The following DGKG variants were observed in gnomAD, a reference collection of about 807,000 sequenced individuals.
The protein encoded by DGKG is diacylglycerol kinase gamma.
A neutral mutation model predicts 105.3 loss-of-function variants in DGKG; 78 were observed. That is an observed-to-expected ratio of 0.74 (90% confidence interval 0.62 to 0.89). The LOEUF (loss-of-function observed/expected upper bound fraction) is 0.89, where lower values mean the gene tolerates loss of function less well. Ranked by LOEUF, DGKG falls within the 40% of genes least tolerant of loss-of-function variation. The probability of loss-of-function intolerance (pLI) is 0.00; values close to 1 mark genes in which losing one functional copy is unlikely to be tolerated. For synonymous variants in DGKG, 346 were observed against 367.1 expected, an observed-to-expected ratio of 0.94 and a Z score of 0.66; for missense variants, 958 against 1,020.1, an observed-to-expected ratio of 0.94 and a Z score of 0.83.
At chr3:186,189,669 G>A (rs1305512115) in intron 21 of DGKG, among the ~76,000 whole-genome samples, 1 of 152,220 alleles carries the variant, frequency 6.6e-6, no homozygotes, top group Non-Finnish European at 1.5e-5. Context: ...AGGACTAGAA[G>A]ACTTGTTGCC....
intron 1 of DGKG, among the ~76,000 whole-genome samples, chr3:186,350,405 GTAT>G (rs1726570927): frequency 6.6e-6 from 1 of 152,172 alleles, no homozygotes; most frequent in Non-Finnish European, 1.5e-5. Flanking sequence ...GCATGTTGCA[GTAT>G]GTGTCAGAAT....
At chr3:186,155,417 C>T (rs564282142) in intron 24 of DGKG, among the ~76,000 whole-genome samples, 1 of 152,294 alleles carries the variant, frequency 6.6e-6, no homozygotes, top group African/African-American at 2.4e-5. Flanking sequence ...TGGTCTTGAA[C>T]TCCTGACCTC....
chr3:186,295,638 TAA>T (rs34829528), intron 5 of DGKG, among the ~76,000 whole-genome samples: 3 of 84,522 alleles, frequency 3.5e-5, no homozygotes, highest in Admixed American at 1.4e-4. Flanking sequence ...TAATGCACAG[TAA>T]AAAAAAAAAA....
At chr3:186,198,060 G>T (rs1718272309) in intron 21 of DGKG, among the ~76,000 whole-genome samples, 2 of 152,208 alleles carry the variant, frequency 1.3e-5, no homozygotes, top group Admixed American at 1.3e-4. Flanking sequence ...GTTCTTCACA[G>T]TTCCTGGCAT....
At position 186,251,763 on chromosome 3, in the gene DGKG, C is replaced by G. The variant is rs751199499; in HGVS notation, c.1757G>C (p.Gly586Ala). 8 of 1,614,138 alleles carry G rather than the reference C, an allele frequency of 5.0e-6. No homozygotes were observed. Among genetic ancestry groups the G allele is most frequent in the Non-Finnish European group, 6.8e-6 (8 of 1,179,980 alleles). The change falls in exon 19 of 25, where the codon GGT becomes GCT. Residue 586 changes from glycine (G) to alanine (A), a missense_variant. Gly to Ala is a moderately conservative substitution (Grantham distance 60). This residue lies in a region of DGKG where 315 missense variants were observed against 400.6 expected (regional missense o/e 0.79). Coordinates refer to ENST00000265022, the MANE Select transcript of DGKG (RefSeq NM_001346.3). ...YSIMNNYFSI[G>A]VDASIAHRFH... is the part of the protein sequence containing the mutation. Reference sequence around the variant, plus strand: ...GGTGATCTTTGACCAACTCACCACACCAATGGAGAAATAGTTGTTCATGAT... The same window carrying G: ...GGTGATCTTTGACCAACTCACCACAGCAATGGAGAAATAGTTGTTCATGAT...
intron 20 of DGKG, among the ~76,000 whole-genome samples, chr3:186,241,891 T>C (rs1720703709): frequency 6.6e-6 from 1 of 152,188 alleles, no homozygotes; most frequent in Non-Finnish European, 1.5e-5. Flanking sequence ...GGTTTCCTCT[T>C]TCCTTTCATT....
At chr3:186,157,051 T>A (rs1716069098) in intron 24 of DGKG, among the ~76,000 whole-genome samples, 1 of 152,000 alleles carries the variant, frequency 6.6e-6, no homozygotes. Flanking sequence ...AAATTTCCAA[T>A]GTTAAAAATA....
chr3:186,289,827 A>G (rs1723236475), intron 5 of DGKG, among the ~76,000 whole-genome samples: 1 of 152,190 alleles, frequency 6.6e-6, no homozygotes, highest in Non-Finnish European at 1.5e-5. Context: ...CTTGATCGTA[A>G]TGTCTGTTGA....
rs924714768 is a variant in DGKG, at chr3:186,203,042, T to C, written c.1917+8753A>G. ...TTGAAGTGAACTACAGGGTGCACAT[T>C]AGTAAGAAATAAAAAAGAGGGTCAT... is the stretch of plus-strand genomic sequence containing the variant. On this transcript the variant is annotated intron_variant, in intron 21 of 24. Coordinates refer to ENST00000265022, the MANE Select transcript of DGKG (RefSeq NM_001346.3). This position sits in a 1 kb window ranked among gnomAD's most constrained non-coding sequence, Gnocchi z 4.9. Among the ~76,000 whole-genome samples the C allele has an allele frequency of 1.7e-4, 26 of 152,140 alleles. No individual in the cohort carries two copies. Among genetic ancestry groups the C allele is most frequent in the African/African-American group, 6.0e-4 (25 of 41,422 alleles).
chr3:186,352,950 C>A (rs1726705488), intron 1 of DGKG, among the ~76,000 whole-genome samples: 1 of 152,146 alleles, frequency 6.6e-6, no homozygotes, highest in Admixed American at 6.5e-5. Flanking sequence ...ACAAACGAGA[C>A]CCTCCATGGC....
At chr3:186,219,126 G>C (rs937920636) in intron 20 of DGKG, among the ~76,000 whole-genome samples, 3 of 141,136 alleles carry the variant, frequency 2.1e-5, no homozygotes, top group Non-Finnish European at 4.5e-5. Flanking sequence ...TAGTGATTAT[G>C]TTAACCGAAG....
intron 19 of DGKG, among the ~76,000 whole-genome samples, chr3:186,250,897 T>C (rs6444116): frequency 0.91 from 138,396 of 151,782 alleles, 63,792 homozygotes; most frequent in East Asian, 1. Context: ...TTTGTTGCAC[T>C]CCCACCCCCT....
intron 6 of DGKG, among the ~76,000 whole-genome samples, chr3:186,286,368 CCT>C (rs1413324691): frequency 6.6e-6 from 1 of 152,174 alleles, no homozygotes; most frequent in African/African-American, 2.4e-5. Flanking sequence ...CCAACGCTGA[CCT>C]CTCTCTGGTC....
At chr3:186,196,442 T>TCTGCATCTGTAA (rs1718188641) in intron 21 of DGKG, among the ~76,000 whole-genome samples, 1 of 152,202 alleles carries the variant, frequency 6.6e-6, no homozygotes, top group African/African-American at 2.4e-5. Flanking sequence ...CCCAGCCTTT[T>TCTGCATCTGTAA]TCTCTTCTCT....
intron 2 of DGKG, among the ~76,000 whole-genome samples, chr3:186,314,244 T>G (rs1724705164): frequency 6.7e-6 from 1 of 149,978 alleles, no homozygotes; most frequent in Admixed American, 6.7e-5. Context: ...TGTTTGAAGG[T>G]TGAGCTCCAG....
At chr3:186,355,343 C>G (rs564452380) in intron 1 of DGKG, among the ~76,000 whole-genome samples, 1 of 80,406 alleles carries the variant, frequency 1.2e-5, no homozygotes, top group Non-Finnish European at 2.3e-5. Context: ...ATCACCACCA[C>G]CAACAACACT....
chr3:186,251,645 T>TG (rs111269397), intron 19 of DGKG, 114 bp downstream of exon 19: 104 of 1,242,462 alleles, frequency 8.4e-5, no homozygotes, highest in Non-Finnish European at 1.1e-4. Flanking sequence ...AACTCAGGGC[T>TG]GGGGGGGCAG....
chr3:186,289,176 C>G (rs1172959266), intron 5 of DGKG, among the ~76,000 whole-genome samples: 1 of 152,144 alleles, frequency 6.6e-6, no homozygotes, highest in African/African-American at 2.4e-5. Flanking sequence ...TATCAATAAT[C>G]AACAGGTAAA....
intron 19 of DGKG, among the ~76,000 whole-genome samples, chr3:186,246,903 G>A (rs1429313323): frequency 6.6e-6 from 1 of 152,156 alleles, no homozygotes; most frequent in Non-Finnish European, 1.5e-5. Context: ...CTGAATCAAG[G>A]GATTAGCTGT....
Sources: gnomAD v4.1 joint callset for allele counts (sites outside exome capture counted in the v4.1 genomes callset) on GRCh38, gnomAD v4.1.1 for gene constraint, gnomAD v4.1.1 regional missense constraint, Gnocchi (gnomAD v3.1) non-coding constraint, MANE v1.5 for transcripts, NCBI Gene and HGNC (gene_info 2026-07-23, HGNC 2026-07-21) for gene names.